ZNF540: variants seen among roughly 807,000 people sequenced by gnomAD.
The protein encoded by ZNF540 is CTD-3064H18.6.
Under a neutral mutation model 11.8 loss-of-function variants are expected in ZNF540, and 3 were observed. The observed-to-expected ratio is 0.25, with a 90% CI of 0.12 to 0.65. The LOEUF is 0.65. ZNF540 is among the 30% of genes least tolerant of loss of function. The pLI is 0.83. For missense variants in ZNF540, 709 were observed against 793.1 expected (o/e 0.89, Z 1.27); for synonymous variants, 247 against 259.0 (o/e 0.95, Z 0.45).
intron 1 of ZNF540, among the ~76,000 whole-genome samples, chr19:37,577,901 GTAC>G (rs1227499595): frequency 6.6e-6 from 1 of 152,154 alleles, no homozygotes; most frequent in Non-Finnish European, 1.5e-5. Context: ...GCCACAGACC[GTAC>G]TGTTTGGCAG....
At chr19:37,564,732 C>G in intron 1 of ZNF540, 1 of 1,613,624 alleles carries the variant, frequency 6.2e-7, no homozygotes, top group Non-Finnish European at 8.5e-7. Context: ...CGACTAAAGG[C>G]CCTCCCACAT....
chr19:37,564,560 T>C (rs1568338189), intron 1 of ZNF540: 1 of 1,453,142 alleles, frequency 6.9e-7, no homozygotes, highest in African/African-American at 1.4e-5. Context: ...ATGAAATAGA[T>C]GAAGATTTTC....
At position 37,612,193 on chromosome 19, in the gene ZNF540, G is replaced by T. The variant is rs2044136144; in HGVS notation, c.913G>T (p.Gly305Ter). 1 of 1,611,904 alleles carries T rather than the reference G, an allele frequency of 6.2e-7. No individual in the cohort carries two copies. Among genetic ancestry groups the T allele is most frequent in the African/African-American group, 1.3e-5 (1 of 74,710 alleles). ...GKKSYECKEC[G>*]KVFQLIFYFK... is the part of the protein sequence containing the mutation. ...GAAATCTTATGAATGTAAAGAATGT[G>T]GAAAAGTTTTTCAACTTATTTTCTA... The change falls in exon 5 of 5, where the codon GGA becomes TGA. Residue 305 changes from glycine (G) to a stop codon, truncating the protein, a stop_gained. Transcript: ENST00000316433. LOFTEE classifies it low-confidence loss of function (END_TRUNC).
rs776844311 is a variant in ZNF540 at position 37,613,797 on chromosome 19, GT to G, written c.*537del. On this transcript the variant is annotated 3_prime_UTR_variant, in exon 5 of 5. Coordinates refer to ENST00000316433, the MANE Select transcript of ZNF540 (RefSeq NM_001172225.3). Reference sequence around the variant, plus strand: ...TGATAAAATCTGTTATGGGCTGAATGTTTGTGTTCCCGTAACAATTCCTATG... The same window carrying G: ...TGATAAAATCTGTTATGGGCTGAATGTTGTGTTCCCGTAACAATTCCTATG... The G allele has an allele frequency of 1.5e-5, 6 of 398,580 alleles. No individual in the cohort carries two copies. The highest frequency in any genetic ancestry group is 2.2e-5 in the Non-Finnish European group (5 of 226,074). 24.7% of individuals were successfully genotyped at this position (398,580 alleles called of 1,614,324 possible).
At chr19:37,594,447 G>A (rs2043957827), upstream of ZNF540, 1 of 152,312 alleles carries the variant, frequency 6.6e-6, no homozygotes. Flanking sequence ...CCAAAGTTAT[G>A]GTGCCGATTT....
In ZNF540 at chr19:37,555,850, A is replaced by AT. The variant is rs558877743; in HGVS notation, c.-73+4191dup. The stretch of plus-strand genomic sequence containing the variant: ...GGACAGTTATAGTAAGAGGATTACA[A>AT]TTTTTTCTAGTACATAATTTAGGAC... On this transcript the variant is annotated intron_variant, in intron 1 of 4. Coordinates refer to the ZNF540 transcript ENST00000592533. The AT allele has an allele frequency of 1.3e-3, 939 of 698,666 alleles. 15 individuals carry two copies. The Admixed American group carries it at 0.018, about 13-fold the overall frequency. 43.3% of individuals were successfully genotyped at this position (698,666 alleles called of 1,614,324 possible).
At chr19:37,609,405 G>A (rs1046408590) in intron 4 of ZNF540, among the ~76,000 whole-genome samples, 3 of 151,734 alleles carry the variant, frequency 2.0e-5, no homozygotes, top group South Asian at 4.2e-4. Flanking sequence ...TTAGTCAGGC[G>A]TGGTGGTGGG....
chr19:37,592,645 G>C (rs541617496), upstream of ZNF540, among the ~76,000 whole-genome samples: 2 of 152,322 alleles, frequency 1.3e-5, no homozygotes, highest in African/African-American at 2.4e-5. Context: ...ACATCAGACT[G>C]TAAGGGCCTC....
chr19:37,612,059 G>A lies in ZNF540; in HGVS notation c.779G>A (p.Arg260Gln), dbSNP rs766916885. The change falls in exon 5 of 5, where the codon CGA becomes CAA. Residue 260 changes from arginine (R) to glutamine (Q), a missense_variant. By Grantham distance (43) the Arg-to-Gln change is conservative (BLOSUM62 1). Coordinates refer to ENST00000316433, the MANE Select transcript of ZNF540 (RefSeq NM_001172225.3). ...TTTACTCTTTACCCACAACTTAATC[G>A]ACATCAGAAAATTCACACTGGTAAA... The part of the protein sequence containing the change: ...KTFTLYPQLN[R>Q]HQKIHTGKKP... 8 of 1,611,596 alleles carry A rather than the reference G, an allele frequency of 5.0e-6. No homozygotes were observed. Among genetic ancestry groups the A allele is most frequent in the African/African-American group, 1.3e-5 (1 of 74,666 alleles).
At chr19:37,587,726 A>G (rs2043725201) in intron 1 of ZNF540, among the ~76,000 whole-genome samples, 1 of 152,114 alleles carries the variant, frequency 6.6e-6, no homozygotes, top group South Asian at 2.1e-4. Context: ...TTTGTTGGGT[A>G]TAGTTGAGCT....
At chr19:37,599,251 G>T (rs1434766199) in intron 2 of ZNF540, among the ~76,000 whole-genome samples, 2 of 152,114 alleles carry the variant, frequency 1.3e-5, no homozygotes, top group African/African-American at 2.4e-5. Context: ...GTATTAAGTG[G>T]TTTTTCTTAA....
chr19:37,611,812 C>T lies in ZNF540; in HGVS notation c.532C>T (p.His178Tyr). 1.2e-6 allele frequency: 2 copies of T among 1,613,966 alleles called. No individual in the cohort carries two copies. Among genetic ancestry groups the T allele is most frequent in the Non-Finnish European group, 1.7e-6 (2 of 1,179,958 alleles). ...AAGCTGTGACTCACACTTGGTTCAA[C>T]ATGGGAAAATAGATTCTGATGTGAA... ...EKSCDSHLVQ[H>Y]GKIDSDVKHD... The change falls in exon 5 of 5, where the codon CAT (histidine) becomes TAT (tyrosine). Residue 178 changes from histidine (H) to tyrosine (Y), a missense_variant. By Grantham distance (83) the His-to-Tyr change is moderately conservative. Transcript: ENST00000316433.
chr19:37,580,068 T>C (rs1156402017), intron 1 of ZNF540, among the ~76,000 whole-genome samples: 2 of 152,214 alleles, frequency 1.3e-5, no homozygotes, highest in African/African-American at 2.4e-5. Flanking sequence ...CGGATAGACA[T>C]TGATACCTGA....
At chr19:37,603,825 T>A (rs1277919422) in intron 4 of ZNF540, among the ~76,000 whole-genome samples, 1 of 152,186 alleles carries the variant, frequency 6.6e-6, no homozygotes, top group Non-Finnish European at 1.5e-5. Flanking sequence ...AAGAAAAGGC[T>A]ATTAAGTTCT....
intron 1 of ZNF540, chr19:37,566,326 G>A (rs964552020): frequency 8.4e-6 from 13 of 1,553,732 alleles, no homozygotes; most frequent in Non-Finnish European, 1.1e-5. Context: ...TCCTGCTTTT[G>A]TTTACAAGGA....
chr19:37,565,008 A>G (rs1402135511), intron 1 of ZNF540: 1 of 1,613,808 alleles, frequency 6.2e-7, no homozygotes, highest in Non-Finnish European at 8.5e-7. Flanking sequence ...TTACATTCAT[A>G]ATGTTTCTCA....
intron 1 of ZNF540, chr19:37,563,801 AC>A: frequency 1.2e-5 from 1 of 83,994 alleles, no homozygotes; most frequent in Non-Finnish European, 3.6e-5. Flanking sequence ...TTCCACATAC[AC>A]ACATGTGGAA....
intron 1 of ZNF540, among the ~76,000 whole-genome samples, chr19:37,588,620 C>T (rs1380352568): frequency 6.6e-6 from 1 of 152,148 alleles, no homozygotes; most frequent in African/African-American, 2.4e-5. Flanking sequence ...CTGCTCACTA[C>T]CTGGGTGACT....
chr19:37,596,151 C>T (rs1398099723), intron 1 of ZNF540, among the ~76,000 whole-genome samples: 2 of 152,198 alleles, frequency 1.3e-5, no homozygotes, highest in Non-Finnish European at 2.9e-5. Flanking sequence ...CAAGATAGAT[C>T]ATTTCCATCA....
Sources: gnomAD v4.1 joint callset for allele counts (sites outside exome capture counted in the v4.1 genomes callset) on GRCh38, gnomAD v4.1.1 for gene constraint, MANE v1.5 for transcripts, NCBI Gene and HGNC (gene_info 2026-07-23, HGNC 2026-07-21) for gene names.